The following APBB2 variants were observed in gnomAD, a reference collection of about 807,000 sequenced individuals.
APBB2 encodes Fe65-like 1.
In APBB2, 38 loss-of-function variants were observed where a neutral mutation model predicts 82.5. That is an observed-to-expected ratio of 0.46 (90% CI 0.36 to 0.60). APBB2 has a LOEUF of 0.60. APBB2 is among the 20% of genes least tolerant of loss of function. The pLI, the probability that APBB2 is intolerant of heterozygous loss-of-function variation, is 0.00. For missense variants in APBB2, 772 were observed against 972.3 expected (o/e 0.79, Z 2.74); for synonymous variants, 341 against 368.2 (o/e 0.93, Z 0.85).
At chr4:41,025,115 C>A (rs756218142) in intron 5 of APBB2, among the ~76,000 whole-genome samples, 3 of 152,142 alleles carry the variant, frequency 2.0e-5, no homozygotes, top group Non-Finnish European at 2.9e-5. Flanking sequence ...AAAAATCCTC[C>A]AGTTTCACCA....
chr4:41,118,592 T>C (rs1473008249), intron 2 of APBB2, among the ~76,000 whole-genome samples: 1 of 152,164 alleles, frequency 6.6e-6, no homozygotes, highest in African/African-American at 2.4e-5. Context: ...AGGAGTTTGA[T>C]CTAAAAAAAG....
intron 13 of APBB2, among the ~76,000 whole-genome samples, chr4:40,828,780 G>A (rs1371177820): frequency 6.6e-6 from 1 of 152,232 alleles, no homozygotes; most frequent in African/African-American, 2.4e-5. Context: ...TAAACGTGGT[G>A]ATCTCAAGAC....
chr4:41,025,944 C>CAAAAAA (rs71198626), intron 5 of APBB2, among the ~76,000 whole-genome samples: 8 of 68,246 alleles, frequency 1.2e-4, no homozygotes, highest in African/African-American at 2.9e-4. Flanking sequence ...TCCATCTCCA[C>CAAAAAA]AAAAAAAAAA....
At chr4:41,101,470 CAAAAAAAAAAAAAAAAAAAAAAA>C (rs150527764) in intron 2 of APBB2, among the ~76,000 whole-genome samples, 2 of 72,524 alleles carry the variant, frequency 2.8e-5, no homozygotes, top group African/African-American at 1.1e-4. Context: ...GACTCCGTCT[CAAAAAAAAAAAAAAAAAAAAAAA>C]AAAAAAAAGA....
At chr4:40,958,599 A>G (rs780293194) in intron 6 of APBB2, among the ~76,000 whole-genome samples, 29 of 152,084 alleles carry the variant, frequency 1.9e-4, no homozygotes, top group Non-Finnish European at 2.9e-4. Flanking sequence ...ATAATCTTCT[A>G]TCTCTCTCCC....
In APBB2 at chr4:41,169,226, G is replaced by C. The variant is rs984313047; in HGVS notation, c.-416-26084C>G. On this transcript the variant is annotated intron_variant, in intron 1 of 17. Coordinates refer to ENST00000508593, the MANE Select transcript of APBB2 (RefSeq NM_004307.2). Reference sequence around the variant, plus strand: ...AAAAAGGAAGAGGACAGAGAGGAAGGAAAGGTAAGGAAGAGCACAGAGAGG... The same window carrying C: ...AAAAAGGAAGAGGACAGAGAGGAAGCAAAGGTAAGGAAGAGCACAGAGAGG... Among the ~76,000 whole-genome samples, 10 of 150,596 alleles carry C rather than the reference G, an allele frequency of 6.6e-5. No homozygotes were observed. In the South Asian group the frequency reaches 1.7e-3, roughly 26 times the overall value.
chr4:40,998,145 A>T (rs1311799155), intron 6 of APBB2, among the ~76,000 whole-genome samples: 1 of 152,238 alleles, frequency 6.6e-6, no homozygotes, highest in African/African-American at 2.4e-5. Flanking sequence ...CAAAAATCAG[A>T]ATTTTGGAAA....
At chr4:40,946,677 T>A (rs1382312662) in intron 6 of APBB2, among the ~76,000 whole-genome samples, 1 of 151,308 alleles carries the variant, frequency 6.6e-6, no homozygotes, top group Non-Finnish European at 1.5e-5. Context: ...GCTGAATCAA[T>A]GTATGTAGGA....
chr4:41,031,195 A>T (rs1020820921), intron 5 of APBB2, among the ~76,000 whole-genome samples: 5 of 152,226 alleles, frequency 3.3e-5, no homozygotes, highest in African/African-American at 1.2e-4. Context: ...ACTGCACTCC[A>T]GCCTGGGTGT....
intron 1 of APBB2, among the ~76,000 whole-genome samples, chr4:41,151,333 A>G (rs907597604): frequency 6.6e-6 from 1 of 152,242 alleles, no homozygotes; most frequent in East Asian, 1.9e-4. Flanking sequence ...GAAATGTTCC[A>G]TATTTGTATT....
At chr4:41,134,376 G>A (rs1466992971) in intron 2 of APBB2, among the ~76,000 whole-genome samples, 2 of 152,058 alleles carry the variant, frequency 1.3e-5, no homozygotes, top group East Asian at 3.9e-4. Flanking sequence ...TCAGGAGATG[G>A]AGACCATCCT....
chr4:41,060,103 C>T (rs1483736013), intron 4 of APBB2, among the ~76,000 whole-genome samples: 1 of 152,116 alleles, frequency 6.6e-6, no homozygotes, highest in Non-Finnish European at 1.5e-5. Flanking sequence ...GTACAGGACT[C>T]CCACATAAAA....
At chr4:41,071,641 A>T (rs1232163939) in intron 3 of APBB2, among the ~76,000 whole-genome samples, 1 of 152,168 alleles carries the variant, frequency 6.6e-6, no homozygotes, top group Non-Finnish European at 1.5e-5. Flanking sequence ...AGATCATGCC[A>T]CTGCACTCCA....
intron 2 of APBB2, among the ~76,000 whole-genome samples, chr4:41,111,945 C>G (rs575837280): frequency 6.6e-6 from 1 of 152,098 alleles, no homozygotes; most frequent in Non-Finnish European, 1.5e-5. Context: ...AAATTAAGGG[C>G]AGATAGAAAA....
intron 11 of APBB2, among the ~76,000 whole-genome samples, chr4:40,891,423 A>C (rs1268817883): frequency 6.6e-6 from 1 of 152,186 alleles, no homozygotes; most frequent in Admixed American, 6.5e-5. Flanking sequence ...TAGATGCTGG[A>C]GCACTGATGA....
chr4:41,089,589 T>G (rs1375629113), intron 3 of APBB2, among the ~76,000 whole-genome samples: 2 of 152,166 alleles, frequency 1.3e-5, no homozygotes, highest in Admixed American at 1.3e-4. Context: ...TAACAAAAAT[T>G]CTATTAATAA....
rs930642848 is a variant in APBB2 at position 40,943,650 on chromosome 4, A to G, written c.1044+1215T>C. 5.5e-4 allele frequency among the ~76,000 whole-genome samples: 84 copies of G among 152,376 alleles called. 1 individual carries two copies. Among genetic ancestry groups the G allele is most frequent in the African/African-American group, 2.0e-3 (83 of 41,586 alleles). ...ATGCAAGATGAACAAAAGGCTGAAC[A>G]AAAATTGCCCAGGGAGTAGGAATTA... On this transcript the variant is annotated intron_variant, in intron 7 of 17. Transcript: ENST00000508593.
intron 6 of APBB2, among the ~76,000 whole-genome samples, chr4:40,948,890 C>CAAAAAAAAAAAAAAAAAAAAA (rs59172492): frequency 3.0e-5 from 3 of 101,580 alleles, no homozygotes; most frequent in African/African-American, 1.2e-4. Context: ...ATCCTGTCTC[C>CAAAAAAAAAAAAAAAAAAAAA]AAAAAAAAAA....
At position 40,982,289 on chromosome 4, in the gene APBB2, G is replaced by GAAA; in HGVS notation, c.835+31293_835+31294insTTT. On this transcript the variant is annotated intron_variant, in intron 6 of 17. Coordinates refer to ENST00000508593, the MANE Select transcript of APBB2 (RefSeq NM_004307.2). Reference sequence around the variant, plus strand: ...AAGAAAGAAAGAAAGAAAGAAGGAAGGAAGGAAGGAAGGAAGGAAAGAAAG... The same window carrying GAAA: ...AAGAAAGAAAGAAAGAAAGAAGGAAGAAAGAAGGAAGGAAGGAAGGAAAGAAAG... Among the ~76,000 whole-genome samples the GAAA allele has an allele frequency of 8.7e-4, 24 of 27,562 alleles. 3 individuals carry two copies. The highest frequency in any genetic ancestry group is 5.5e-3 in the African/African-American group (22 of 4,014). The allele number at this position is 27,562 out of a possible 152,430, so 18.1% of individuals were successfully genotyped here.
Sources: allele counts gnomAD v4.1 joint callset (sites outside exome capture counted in the v4.1 genomes callset), GRCh38; gene constraint gnomAD v4.1.1; transcripts MANE v1.5; gene names NCBI Gene and HGNC (gene_info 2026-07-23, HGNC 2026-07-21).